Variants in PRKG1 observed in about 807,000 individuals in gnomAD.
PRKG1 encodes protein kinase cGMP-dependent 1.
Under a neutral mutation model 88.1 loss-of-function variants are expected in PRKG1, and 35 were observed. The observed-to-expected ratio is 0.40, with a 90% CI of 0.30 to 0.53. PRKG1 has a LOEUF of 0.53. PRKG1 is among the 20% of genes least tolerant of loss of function. The pLI, the probability that PRKG1 is intolerant of heterozygous loss-of-function variation, is 0.59. For synonymous variants in PRKG1, 303 were observed against 292.5 expected (o/e 1.04, Z -0.37); for missense variants, 540 against 839.8 (o/e 0.64, Z 4.41).
At chr10:51,869,605 G>A (rs1672805241) in intron 4 of PRKG1, among the ~76,000 whole-genome samples, 1 of 152,096 alleles carries the variant, frequency 6.6e-6, no homozygotes, top group East Asian at 1.9e-4. Flanking sequence ...CCTGAACTAT[G>A]TTCTAAGAGA....
intron 5 of PRKG1, among the ~76,000 whole-genome samples, chr10:52,036,128 A>G (rs1342398399): frequency 6.6e-6 from 1 of 152,134 alleles, no homozygotes. Flanking sequence ...GCTGTCTGTG[A>G]AGCTTTGCGG....
chr10:52,254,154 T>C (rs1220174709), intron 10 of PRKG1, among the ~76,000 whole-genome samples: 2 of 152,030 alleles, frequency 1.3e-5, no homozygotes, highest in Non-Finnish European at 2.9e-5. Flanking sequence ...TACATAACAT[T>C]GTCACGGAAT....
At chr10:51,279,946 T>C (rs541970277) in intron 2 of PRKG1, among the ~76,000 whole-genome samples, 2 of 152,348 alleles carry the variant, frequency 1.3e-5, no homozygotes, top group African/African-American at 4.8e-5. Flanking sequence ...TGCTCGTTAG[T>C]TGATGCAGTT....
At chr10:51,329,261 C>T (rs1328157962) in intron 2 of PRKG1, among the ~76,000 whole-genome samples, 2 of 152,102 alleles carry the variant, frequency 1.3e-5, no homozygotes, top group Non-Finnish European at 2.9e-5. Context: ...AGATAAGGGT[C>T]TAATTTCATT....
At chr10:51,481,863 C>A (rs1299584906) in intron 3 of PRKG1, among the ~76,000 whole-genome samples, 3 of 151,906 alleles carry the variant, frequency 2.0e-5, no homozygotes, top group Non-Finnish European at 4.4e-5. Flanking sequence ...AAATTGTGAA[C>A]AGAACGTCAA....
chr10:51,352,719 A>G (rs1320283636), intron 2 of PRKG1, among the ~76,000 whole-genome samples: 2 of 152,168 alleles, frequency 1.3e-5, no homozygotes, highest in African/African-American at 2.4e-5. Flanking sequence ...TGCAATCCCT[A>G]TGAAAATACT....
At chr10:51,563,019 A>T (rs770402300) in intron 3 of PRKG1, among the ~76,000 whole-genome samples, 1 of 152,020 alleles carries the variant, frequency 6.6e-6, no homozygotes, top group Admixed American at 6.6e-5. Context: ...GTCTCAAGTG[A>T]TCCTCCCACC....
chr10:51,548,717 C>T (rs1472901200), intron 3 of PRKG1, among the ~76,000 whole-genome samples: 1 of 152,086 alleles, frequency 6.6e-6, no homozygotes, highest in Non-Finnish European at 1.5e-5. Context: ...GAGTTATCAA[C>T]TTTAGTTTTC....
intron 5 of PRKG1, among the ~76,000 whole-genome samples, chr10:51,974,597 T>C (rs573777332): frequency 6.6e-6 from 1 of 152,280 alleles, no homozygotes; most frequent in African/African-American, 2.4e-5. Flanking sequence ...CATATGTCCA[T>C]ATGCTTATGC....
At chr10:52,204,434 G>A (rs548509995) in intron 9 of PRKG1, among the ~76,000 whole-genome samples, 91 of 152,258 alleles carry the variant, frequency 6.0e-4, no homozygotes, top group South Asian at 3.1e-3. Context: ...TTTATAATGC[G>A]TTGTGGGAAG....
intron 3 of PRKG1, among the ~76,000 whole-genome samples, chr10:51,694,712 T>C (rs1841239489): frequency 6.6e-6 from 1 of 152,200 alleles, no homozygotes. Flanking sequence ...GATTTTATTT[T>C]AGTCTACACA....
chr10:52,141,340 G>A (rs759098253), intron 8 of PRKG1, among the ~76,000 whole-genome samples: 3 of 152,112 alleles, frequency 2.0e-5, no homozygotes, highest in Non-Finnish European at 2.9e-5. Context: ...GTGGTTTAAA[G>A]TCATGGAAAG....
intron 7 of PRKG1, among the ~76,000 whole-genome samples, chr10:52,132,806 A>G (rs1174929165): frequency 6.6e-6 from 1 of 152,100 alleles, no homozygotes; most frequent in East Asian, 1.9e-4. Context: ...TCATGGGTAC[A>G]TAGTAAGTGT....
rs534900024 is a variant in PRKG1, at chr10:52,297,583, A to G, written c.*3683A>G. ...CCAGAGCTGTGTATCTGTTAATGAG[A>G]TACAGCGTCATTTCTGTGAAATGTA... is the stretch of plus-strand genomic sequence containing the variant. On this transcript the variant is annotated 3_prime_UTR_variant, in exon 18 of 18. Transcript: ENST00000373980. 7.9e-5 allele frequency: 12 copies of G among 152,248 alleles called. No individual in the cohort carries two copies. In the East Asian group the frequency reaches 2.1e-3, roughly 27 times the overall value. The allele number at this position is 152,248 out of a possible 1,614,324, so 9.4% of individuals were successfully genotyped here.
At chr10:51,619,749 T>A (rs1839159034) in intron 3 of PRKG1, among the ~76,000 whole-genome samples, 1 of 152,196 alleles carries the variant, frequency 6.6e-6, no homozygotes, top group Admixed American at 6.5e-5. Flanking sequence ...TATAGGTAAT[T>A]TCCCATTTAT....
chr10:51,552,735 G>A (rs1053880467), intron 3 of PRKG1, among the ~76,000 whole-genome samples: 2 of 151,574 alleles, frequency 1.3e-5, no homozygotes, highest in Non-Finnish European at 3.0e-5. Context: ...AATCCAGGCT[G>A]TTGTGAAATC....
intron 2 of PRKG1, among the ~76,000 whole-genome samples, chr10:51,403,313 T>A (rs895771490): frequency 1.3e-5 from 2 of 152,182 alleles, no homozygotes; most frequent in African/African-American, 4.8e-5. Flanking sequence ...TTTGAAATAC[T>A]TAAAATTTTC....
intron 3 of PRKG1, among the ~76,000 whole-genome samples, chr10:51,501,790 CT>C (rs5784871): frequency 0.21 from 24,162 of 113,682 alleles, 1,985 homozygotes; most frequent in Non-Finnish European, 0.27. Flanking sequence ...ACTTTAGTTT[CT>C]TTTTTTTTTT....
At chr10:52,187,133 T>C (rs1839221001) in intron 9 of PRKG1, among the ~76,000 whole-genome samples, 1 of 152,202 alleles carries the variant, frequency 6.6e-6, no homozygotes, top group South Asian at 2.1e-4. Flanking sequence ...ATCAGACAAT[T>C]AATTCACTTG....
Sources: gnomAD v4.1 joint callset for allele counts (sites outside exome capture counted in the v4.1 genomes callset) on GRCh38, gnomAD v4.1.1 for gene constraint, MANE v1.5 for transcripts, NCBI Gene and HGNC (gene_info 2026-07-23, HGNC 2026-07-21) for gene names.